Variants in CNTN6 observed in about 807,000 individuals in gnomAD.
CNTN6 encodes contactin-6.
CNTN6 carries 137 observed loss-of-function variants against 122.8 expected under a neutral mutation model. The ratio of observed to expected loss-of-function variants is 1.12; its 90% CI spans 0.97 to 1.29. The LOEUF (loss-of-function observed/expected upper bound fraction) is 1.29, where lower values mean the gene tolerates loss of function less well. CNTN6 is among the 50% of genes most tolerant of loss of function. The pLI, the probability that CNTN6 is intolerant of heterozygous loss-of-function variation, is 0.00. For missense variants in CNTN6, 1,634 were observed against 1,223.4 expected, an observed-to-expected ratio of 1.34 and a Z score of -5.01; for synonymous variants, 570 against 426.0, an observed-to-expected ratio of 1.34 and a Z score of -4.16.
At chr3:1,144,790 C>T (rs2130277) in intron 1 of CNTN6, among the ~76,000 whole-genome samples, 55,881 of 151,500 alleles carry the variant, frequency 0.37, 10,806 homozygotes, top group South Asian at 0.6. Flanking sequence ...CAGTAACACT[C>T]AGATACAGAA....
intron 2 of CNTN6, among the ~76,000 whole-genome samples, chr3:1,161,029 G>T (rs948076357): frequency 1.3e-5 from 2 of 151,358 alleles, no homozygotes. Flanking sequence ...TTGTATGGTG[G>T]AAATATCATA....
intron 1 of CNTN6, among the ~76,000 whole-genome samples, chr3:1,104,975 G>A (rs1026933499): frequency 2.6e-5 from 4 of 151,794 alleles, no homozygotes; most frequent in Non-Finnish European, 5.9e-5. Context: ...ACAATGCTAT[G>A]GTACATATCC....
At chr3:1,388,077 G>A (rs1039153616) in intron 20 of CNTN6, among the ~76,000 whole-genome samples, 1 of 152,190 alleles carries the variant, frequency 6.6e-6, no homozygotes, top group Non-Finnish European at 1.5e-5. Context: ...AAGGAGGCCT[G>A]CCTGCAACTG....
At chr3:1,131,152 C>T (rs924520983) in intron 1 of CNTN6, among the ~76,000 whole-genome samples, 3 of 152,094 alleles carry the variant, frequency 2.0e-5, no homozygotes, top group East Asian at 1.9e-4. Flanking sequence ...AGTTGATGTC[C>T]TGGTATTCCA....
intron 2 of CNTN6, among the ~76,000 whole-genome samples, chr3:1,173,681 A>G (rs2093399684): frequency 6.6e-6 from 1 of 152,182 alleles, no homozygotes; most frequent in African/African-American, 2.4e-5. Flanking sequence ...GCGGTTGACA[A>G]AATGAATGCA....
intron 2 of CNTN6, among the ~76,000 whole-genome samples, chr3:1,207,903 A>C (rs1333243344): frequency 1.3e-5 from 2 of 152,040 alleles, no homozygotes; most frequent in African/African-American, 4.8e-5. Flanking sequence ...TTCAACATAC[A>C]TGCATTCTTC....
At chr3:1,371,087 GA>G (rs1708950809) in intron 12 of CNTN6, among the ~76,000 whole-genome samples, 1 of 151,810 alleles carries the variant, frequency 6.6e-6, no homozygotes, top group Admixed American at 6.6e-5. Flanking sequence ...TATGAATGAA[GA>G]AAACAATTAA....
At chr3:1,144,551 G>A (rs2092682658) in intron 1 of CNTN6, among the ~76,000 whole-genome samples, 1 of 150,918 alleles carries the variant, frequency 6.6e-6, no homozygotes, top group Non-Finnish European at 1.5e-5. Flanking sequence ...CTCCAGCCTG[G>A]ACAACAAGAG....
intron 4 of CNTN6, among the ~76,000 whole-genome samples, chr3:1,253,678 G>A (rs558174036): frequency 4.5e-4 from 68 of 152,168 alleles, no homozygotes; most frequent in Admixed American, 2.6e-3. Context: ...TAGATCCCTC[G>A]TATGCGCAGT....
chr3:1,341,250 C>A (rs1703850656), intron 11 of CNTN6, among the ~76,000 whole-genome samples: 1 of 151,558 alleles, frequency 6.6e-6, no homozygotes, highest in South Asian at 2.1e-4. Flanking sequence ...CCTTTGCCAA[C>A]TTCATACTTT....
intron 12 of CNTN6, among the ~76,000 whole-genome samples, chr3:1,356,621 G>C (rs1295050522): frequency 6.6e-6 from 1 of 151,746 alleles, no homozygotes; most frequent in Admixed American, 6.6e-5. Flanking sequence ...TCAGAGAAAT[G>C]ACAAGATGTA....
chr3:1,166,435 C>CA (rs962205764), intron 2 of CNTN6, among the ~76,000 whole-genome samples: 12 of 150,738 alleles, frequency 8.0e-5, no homozygotes, highest in East Asian at 3.9e-4. Flanking sequence ...TAATGATGAG[C>CA]AAAAAAAAGG....
rs559912537 is a variant in CNTN6 at position 1,334,295 on chromosome 3, A to G, written c.1364+4360A>G. On this transcript the variant is annotated intron_variant, in intron 11 of 22. Transcript: ENST00000446702. ...GCAGGAGAACCAGGAAGCACTGGGA[A>G]TTAGAAAACACGGGTTGTGGTCTCA... is the stretch of plus-strand genomic sequence containing the variant. Among the ~76,000 whole-genome samples, 10 of 152,238 alleles carry G rather than the reference A, an allele frequency of 6.6e-5. No homozygotes were observed. The East Asian group carries it at 1.9e-3, about 29-fold the overall frequency.
intron 4 of CNTN6, among the ~76,000 whole-genome samples, chr3:1,274,311 T>G (rs2125770535): frequency 6.6e-6 from 1 of 152,258 alleles, no homozygotes; most frequent in South Asian, 2.1e-4. Context: ...GATTTAGTTT[T>G]TTCATGGCCA....
chr3:1,312,141 G>A (rs978771202), intron 7 of CNTN6, among the ~76,000 whole-genome samples: 5 of 152,058 alleles, frequency 3.3e-5, no homozygotes, highest in South Asian at 4.2e-4. Context: ...CAAAGACCAG[G>A]GACCTGCCCT....
In CNTN6 at chr3:1,403,527, G is replaced by T; in HGVS notation, c.*109G>T. 4.3e-6 allele frequency: 2 copies of T among 466,864 alleles called. No homozygotes were observed. The highest frequency in any genetic ancestry group is 3.7e-6 in the Non-Finnish European group (1 of 270,784). The allele number at this position is 466,864 out of a possible 1,614,324, so 28.9% of individuals were successfully genotyped here. On this transcript the variant is annotated 3_prime_UTR_variant, in exon 23 of 23. Coordinates refer to ENST00000446702, the MANE Select transcript of CNTN6 (RefSeq NM_001289080.2). The stretch of plus-strand genomic sequence containing the variant: ...TTCTTAATACAGACTTGTTTGCAAA[G>T]AAAAAAAAAAGTATATTATTAAAAT...
intron 4 of CNTN6, among the ~76,000 whole-genome samples, chr3:1,239,127 T>C (rs539652230): frequency 6.6e-6 from 1 of 152,212 alleles, no homozygotes; most frequent in South Asian, 2.1e-4. Flanking sequence ...GATGCCCACT[T>C]TCACTCCTTC....
At chr3:1,174,392 G>C (rs1226318521) in intron 2 of CNTN6, among the ~76,000 whole-genome samples, 1 of 152,160 alleles carries the variant, frequency 6.6e-6, no homozygotes, top group Non-Finnish European at 1.5e-5. Context: ...CAAAGGTATA[G>C]AGGAGGTATT....
intron 8 of CNTN6, 46 bp downstream of exon 8, chr3:1,321,880 C>T: frequency 2.1e-6 from 3 of 1,447,204 alleles, no homozygotes; most frequent in Non-Finnish European, 1.9e-6. Flanking sequence ...TTGGTAATGC[C>T]CTTCATAATA....
Sources: gnomAD v4.1 joint callset for allele counts (sites outside exome capture counted in the v4.1 genomes callset) on GRCh38, gnomAD v4.1.1 for gene constraint, MANE v1.5 for transcripts, NCBI Gene and HGNC (gene_info 2026-07-23, HGNC 2026-07-21) for gene names.